The following ZNF579 variants were observed in gnomAD, a reference collection of about 807,000 sequenced individuals.
The protein encoded by ZNF579 is zinc finger protein 579.
In ZNF579, 3 loss-of-function variants were observed where a neutral mutation model predicts 5.7. That is an observed-to-expected ratio of 0.53 (90% CI 0.24 to 1.36). ZNF579 has a LOEUF of 1.36. ZNF579 is among the 40% of genes most tolerant of loss of function. The pLI is 0.16. For synonymous variants in ZNF579, 454 were observed against 409.0 expected, an observed-to-expected ratio of 1.11 and a Z score of -1.33; for missense variants, 679 against 877.6, an observed-to-expected ratio of 0.77 and a Z score of 2.86.
chr19:55,579,281 G>A lies in ZNF579; in HGVS notation c.359C>T (p.Ala120Val), dbSNP rs758158217. ...PEPAQLRRHLAQEHAGGEVEL... is the reference protein window; with the variant it reads ...PEPAQLRRHLVQEHAGGEVEL... ...GACCTCGCCGCCCGCGTGCTCCTGAGCCAGGTGGCGCCTGAGCTGGGCCGG... is the reference window on the plus strand; with the variant it reads ...GACCTCGCCGCCCGCGTGCTCCTGAACCAGGTGGCGCCTGAGCTGGGCCGG... Residue 120 changes from alanine to valine, a missense_variant, in exon 2 of 2, where the codon GCT (alanine) becomes GTT (valine). Ala to Val is a moderately conservative substitution (Grantham distance 64, BLOSUM62 0). Coordinates refer to ENST00000325421, the MANE Select transcript of ZNF579 (RefSeq NM_152600.3). 1 of 1,513,230 alleles carries A rather than the reference G, an allele frequency of 6.6e-7. No homozygotes were observed. Among genetic ancestry groups the A allele is most frequent in the South Asian group, 1.2e-5 (1 of 82,342 alleles). The allele number at this position is 1,513,230 out of a possible 1,614,324, so 93.7% of individuals were successfully genotyped here. A position where few individuals can be genotyped will look rare whatever the true frequency, so the allele number is the denominator to read the frequency against.
At position 55,578,688 on chromosome 19, in the gene ZNF579, G is replaced by A; in HGVS notation, c.952C>T (p.Arg318Cys). 2 of 1,566,070 alleles carry A rather than the reference G, an allele frequency of 1.3e-6. No homozygotes were observed. Among genetic ancestry groups the A allele is most frequent in the Non-Finnish European group, 8.6e-7 (1 of 1,162,460 alleles). Residue 318 changes from arginine to cysteine, a missense_variant, in exon 2 of 2, where the codon CGC becomes TGC. By Grantham distance (180) the Arg-to-Cys change is radical. Coordinates refer to ENST00000325421, the MANE Select transcript of ZNF579 (RefSeq NM_152600.3). ...RLASYLRQHR[R>C]VHGPLSLLAP... ...AGCAGGCTGAGGGGGCCGTGGACGC[G>A]GCGGTGCTGGCGGAGGTAGGAGGCG...
In ZNF579 at chr19:55,579,658, G is replaced by T; in HGVS notation, c.-2-17C>A. On this transcript the variant is annotated splice_polypyrimidine_tract_variant and intron_variant, in intron 1 of 1. Coordinates refer to ENST00000325421, the MANE Select transcript of ZNF579 (RefSeq NM_152600.3). ...GATCCATGCCTGTGGGGAGAGAGGGGAGAGATGGGAAGCGGGGCAGAGATA... is the reference window on the plus strand; with the variant it reads ...GATCCATGCCTGTGGGGAGAGAGGGTAGAGATGGGAAGCGGGGCAGAGATA... The T allele has an allele frequency of 7.0e-7, 1 of 1,425,368 alleles. No individual in the cohort carries two copies. The highest frequency in any genetic ancestry group is 9.1e-7 in the Non-Finnish European group (1 of 1,099,268). The allele number at this position is 1,425,368 out of a possible 1,614,324, so 88.3% of individuals were successfully genotyped here. A position where few individuals can be genotyped will look rare whatever the true frequency, so the allele number is the denominator to read the frequency against.
In ZNF579 at chr19:55,579,505, G is replaced by A; in HGVS notation, c.135C>T (p.Pro45=). The A allele has an allele frequency of 7.2e-7, 1 of 1,395,502 alleles. No individual in the cohort carries two copies. Among genetic ancestry groups the A allele is most frequent in the South Asian group, 1.6e-5 (1 of 62,452 alleles). 86.4% of individuals were successfully genotyped at this position (1,395,502 alleles called of 1,614,324 possible). A position where few individuals can be genotyped will look rare whatever the true frequency, so the allele number is the denominator to read the frequency against. The change falls in exon 2 of 2, where the codon CCC becomes CCT. Residue 45 remains proline (P), a synonymous_variant. Coordinates refer to ENST00000325421, the MANE Select transcript of ZNF579 (RefSeq NM_152600.3). ...GGAAGAGGCGGCCGCAGGTGGGGCAGGGCAGGGGCGCCCTAGGGGCTCCAG... is the reference window on the plus strand; with the variant it reads ...GGAAGAGGCGGCCGCAGGTGGGGCAAGGCAGGGGCGCCCTAGGGGCTCCAG... ...GGAGAPRAPL[P]CPTCGRLFRF...
At chr19:55,580,444 C>A (rs1262287879) in intron 1 of ZNF579, among the ~76,000 whole-genome samples, 1 of 138,102 alleles carries the variant, frequency 7.2e-6, no homozygotes, top group African/African-American at 2.7e-5. Context: ...CAGGTCATGA[C>A]GGATTGGGGA....
At position 55,579,652 on chromosome 19, in the gene ZNF579, A is replaced by C; in HGVS notation, c.-2-11T>G. On this transcript the variant is annotated splice_polypyrimidine_tract_variant and intron_variant, in intron 1 of 1. Coordinates refer to ENST00000325421, the MANE Select transcript of ZNF579 (RefSeq NM_152600.3). ...GCTGCGGATCCATGCCTGTGGGGAG[A>C]GAGGGGAGAGATGGGAAGCGGGGCA... 7.0e-7 allele frequency: 1 copy of C among 1,429,224 alleles called. No individual in the cohort carries two copies. The highest frequency in any genetic ancestry group is 9.1e-7 in the Non-Finnish European group (1 of 1,100,848). 88.5% of individuals were successfully genotyped at this position (1,429,224 alleles called of 1,614,324 possible).
intron 1 of ZNF579, among the ~76,000 whole-genome samples, chr19:55,580,584 A>G (rs1979627219): frequency 7.4e-6 from 1 of 135,470 alleles, no homozygotes; most frequent in Non-Finnish European, 1.6e-5. Flanking sequence ...ATCCCCAGGG[A>G]GGAGGCGACT....
At position 55,577,728 on chromosome 19, in the gene ZNF579, T is replaced by C; in HGVS notation, c.*223A>G. ...CGCCGCCTTTTTTTCCAAGTCGTCC[T>C]GCCTTAAGACACATGTTGGGGTGAG... On this transcript the variant is annotated 3_prime_UTR_variant, in exon 2 of 2. Transcript: ENST00000325421. 1.2e-6 allele frequency: 1 copy of C among 825,954 alleles called. No homozygotes were observed. The highest frequency in any genetic ancestry group is 1.8e-6 in the Non-Finnish European group (1 of 560,998). 51.2% of individuals were successfully genotyped at this position (825,954 alleles called of 1,614,324 possible). A position where few individuals can be genotyped will look rare whatever the true frequency, so the allele number is the denominator to read the frequency against.
Position 55,577,847 on chromosome 19 carries a change from AGGGGAC to A in ZNF579, c.*98_*103del. On this transcript the variant is annotated 3_prime_UTR_variant, in exon 2 of 2. Coordinates refer to ENST00000325421, the MANE Select transcript of ZNF579 (RefSeq NM_152600.3). The stretch of plus-strand genomic sequence containing the variant: ...CCACTCCTTAGTGTCAAGGGCGTGA[AGGGGAC>A]GGGTGGGTAGACAGAGGAGGTGGCT... 7 of 1,504,866 alleles carry A rather than the reference AGGGGAC, an allele frequency of 4.7e-6. No homozygotes were observed. The highest frequency in any genetic ancestry group is 5.3e-6 in the Non-Finnish European group (6 of 1,132,240). The allele number at this position is 1,504,866 out of a possible 1,614,324, so 93.2% of individuals were successfully genotyped here. A position where few individuals can be genotyped will look rare whatever the true frequency, so the allele number is the denominator to read the frequency against.
rs1362924461 is a variant in ZNF579, at chr19:55,579,493, G to A, written c.147C>T (p.Cys49=). The A allele has an allele frequency of 2.3e-5, 31 of 1,360,536 alleles. No individual in the cohort carries two copies. Among genetic ancestry groups the A allele is most frequent in the Admixed American group, 4.1e-5 (1 of 24,572 alleles). 84.3% of individuals were successfully genotyped at this position (1,360,536 alleles called of 1,614,324 possible). ...APRAPLPCPT[C]GRLFRFPYYL... ...AGTAGGGGAAACGGAAGAGGCGGCC[G>A]CAGGTGGGGCAGGGCAGGGGCGCCC... Residue 49 remains cysteine, a synonymous_variant, in exon 2 of 2, where the codon TGC becomes TGT. Transcript: ENST00000325421.
chr19:55,579,559 ACCACGGCCTCGGCCACGG>A lies in ZNF579; in HGVS notation c.63_80del (p.Arg30_Gly35del). On this transcript the variant is annotated inframe_deletion, in exon 2 of 2. Transcript: ENST00000325421. ...CCCCCCTGCCACGGCCACGGCCCCG[ACCACGGCCTCGGCCACGG>A]CCCCGGCCTCGGCCACGGTGAGGTG... 1 of 1,489,880 alleles carries A rather than the reference ACCACGGCCTCGGCCACGG, an allele frequency of 6.7e-7. No homozygotes were observed. Among genetic ancestry groups the A allele is most frequent in the Non-Finnish European group, 8.9e-7 (1 of 1,125,482 alleles). The allele number at this position is 1,489,880 out of a possible 1,614,324, so 92.3% of individuals were successfully genotyped here. A position where few individuals can be genotyped will look rare whatever the true frequency, so the allele number is the denominator to read the frequency against.
intron 1 of ZNF579, among the ~76,000 whole-genome samples, chr19:55,580,374 TA>T (rs940384169): frequency 5.3e-5 from 8 of 151,652 alleles, no homozygotes; most frequent in East Asian, 1.9e-4. Flanking sequence ...GGGAGGGGGC[TA>T]GGGGCCCAGA....
intron 1 of ZNF579, chr19:55,579,931 AG>A (rs1314065929): frequency 8.7e-6 from 3 of 345,976 alleles, no homozygotes; most frequent in African/African-American, 4.3e-5. Flanking sequence ...GACAGAGACC[AG>A]GAGTCGCAGA....
Position 55,579,387 on chromosome 19 carries a change from C to T in ZNF579, c.253G>A (p.Ala85Thr), listed in dbSNP as rs1979552312. Residue 85 changes from alanine to threonine, a missense_variant, in exon 2 of 2, where the codon GCC (alanine) becomes ACC (threonine). This residue lies in a region of ZNF579 where 134 missense variants were observed against 208.9 expected (regional missense o/e 0.64). Transcript: ENST00000325421. ...PLCPKAFRRP[A>T]HLSRHLRGHG... ...CCGCGCAGGTGGCGGGAAAGGTGGG[C>T]CGGCCGGCGGAAGGCCTTGGGGCAC... The T allele has an allele frequency of 1.5e-6, 2 of 1,338,036 alleles. No homozygotes were observed. The highest frequency in any genetic ancestry group is 4.2e-5 in the Admixed American group (1 of 23,774). 82.9% of individuals were successfully genotyped at this position (1,338,036 alleles called of 1,614,324 possible).
rs1463567618 is a variant in ZNF579 at position 55,578,954 on chromosome 19, G to A, written c.686C>T (p.Thr229Met). The change falls in exon 2 of 2, where the codon ACG (threonine) becomes ATG (methionine). Residue 229 changes from threonine to methionine, a missense_variant. Around this residue, in one of 6 missense-constraint regions of ZNF579, gnomAD observed 209 missense variants for 223.4 expected, o/e 0.94. Transcript: ENST00000325421. ...TTCGCGGCAGCGCAGACACAGCAGC[G>A]TCCAGTCTGCCTGGAGCAGGACCTG... Reference protein sequence around the residue: ...EKQVLLQADWTLLCLRCREAF... With the variant: ...EKQVLLQADWMLLCLRCREAF... 6.4e-7 allele frequency: 1 copy of A among 1,552,566 alleles called. No homozygotes were observed. The highest frequency in any genetic ancestry group is 8.7e-7 in the Non-Finnish European group (1 of 1,152,936).
chr19:55,577,931 G>A lies in ZNF579; in HGVS notation c.*20C>T, dbSNP rs372800344. On this transcript the variant is annotated 3_prime_UTR_variant, in exon 2 of 2. Coordinates refer to ENST00000325421, the MANE Select transcript of ZNF579 (RefSeq NM_152600.3). Reference sequence around the variant, plus strand: ...AACCGGGGAGCTCAGGCGGAGCGGCGGAGGGCAGGGCGGCGAAGGTCAGGA... The same window carrying A: ...AACCGGGGAGCTCAGGCGGAGCGGCAGAGGGCAGGGCGGCGAAGGTCAGGA... 1.3e-6 allele frequency: 2 copies of A among 1,570,040 alleles called. No individual in the cohort carries two copies. The highest frequency in any genetic ancestry group is 1.2e-5 in the South Asian group (1 of 85,756).
intron 1 of ZNF579, 71 bp from the exon 2 acceptor site, chr19:55,579,712 G>A: frequency 7.5e-7 from 1 of 1,333,594 alleles, no homozygotes; most frequent in Non-Finnish European, 9.6e-7. Flanking sequence ...GTGGCAGAAA[G>A]AGAAGCAGAG....
intron 1 of ZNF579, 174 bp from the exon 2 acceptor site, chr19:55,579,815 CAGAGATGGAG>C: frequency 1.6e-6 from 1 of 631,786 alleles, no homozygotes; most frequent in Non-Finnish European, 2.4e-6. Flanking sequence ...GAGGGGAGGC[CAGAGATGGAG>C]AGACAGGAGG....
Position 55,579,540 on chromosome 19 carries a change from TGCCACG to T in ZNF579, c.94_99del (p.Arg34_Gly35del). Reference sequence around the variant, plus strand: ...GCCCTAGGGGCTCCAGCGCCCCCCCTGCCACGGCCACGGCCCCGACCACGGCCTCGG... The same window carrying T: ...GCCCTAGGGGCTCCAGCGCCCCCCCTGCCACGGCCCCGACCACGGCCTCGG... On this transcript the variant is annotated inframe_deletion, in exon 2 of 2. Transcript: ENST00000325421. 2.1e-6 allele frequency: 3 copies of T among 1,458,824 alleles called. No homozygotes were observed. Among genetic ancestry groups the T allele is most frequent in the South Asian group, 1.3e-5 (1 of 74,744 alleles). The allele number at this position is 1,458,824 out of a possible 1,614,324, so 90.4% of individuals were successfully genotyped here. A position where few individuals can be genotyped will look rare whatever the true frequency, so the allele number is the denominator to read the frequency against.
In ZNF579 at chr19:55,578,619, C is replaced by T. The variant is rs371296726; in HGVS notation, c.1021G>A (p.Gly341Ser). The T allele has an allele frequency of 2.0e-6, 3 of 1,527,018 alleles. No homozygotes were observed. Among genetic ancestry groups the T allele is most frequent in the African/African-American group, 2.9e-5 (2 of 70,108 alleles). The allele number at this position is 1,527,018 out of a possible 1,614,324, so 94.6% of individuals were successfully genotyped here. Reference sequence around the variant, plus strand: ...GGCCCCTTGGCTGAGTTCCGTGCACCCGAGGCCTTGTCGTCCTTCTTGCCC... The same window carrying T: ...GGCCCCTTGGCTGAGTTCCGTGCACTCGAGGCCTTGTCGTCCTTCTTGCCC... ...AAGKKDDKASGARNSAKGPEG... is the reference protein window; with the variant it reads ...AAGKKDDKASSARNSAKGPEG... Residue 341 changes from glycine (G) to serine (S), a missense_variant, in exon 2 of 2, where the codon GGT becomes AGT. Transcript: ENST00000325421.
Sources: allele counts gnomAD v4.1 joint callset (sites outside exome capture counted in the v4.1 genomes callset), GRCh38; gene constraint gnomAD v4.1.1; regional missense constraint gnomAD v4.1.1; transcripts MANE v1.5; gene names NCBI Gene and HGNC (gene_info 2026-07-23, HGNC 2026-07-21).